Variants in KCNH7 observed in about 807,000 individuals in gnomAD.
KCNH7 encodes potassium voltage-gated channel subfamily H member 7, also known as voltage-gated inwardly rectifying potassium channel KCNH7.
Under a neutral mutation model 120.8 loss-of-function variants are expected in KCNH7, and 49 were observed. The ratio of observed to expected loss-of-function variants is 0.41; its 90% confidence interval spans 0.32 to 0.51. The LOEUF (loss-of-function observed/expected upper bound fraction) is 0.51, where lower values mean the gene tolerates loss of function less well. Ranked by LOEUF, KCNH7 falls within the 20% of genes least tolerant of loss-of-function variation. The pLI is 0.38. For synonymous variants in KCNH7, 547 were observed against 516.1 expected (o/e 1.06, Z -0.81); for missense variants, 1,097 against 1,446.6 (o/e 0.76, Z 3.92).
At chr2:162,566,671 G>T (rs1693267717) in intron 2 of KCNH7, among the ~76,000 whole-genome samples, 1 of 152,026 alleles carries the variant, frequency 6.6e-6, no homozygotes, top group Non-Finnish European at 1.5e-5. Context: ...GGTAGTTTTT[G>T]CTTGAAGCTA....
At chr2:162,574,018 C>G (rs1449468720) in intron 2 of KCNH7, among the ~76,000 whole-genome samples, 2 of 151,906 alleles carry the variant, frequency 1.3e-5, no homozygotes, top group Non-Finnish European at 2.9e-5. Context: ...AAATTATCAT[C>G]AAATCTTTTA....
chr2:162,386,462 G>T (rs1402464092), intron 12 of KCNH7, among the ~76,000 whole-genome samples: 2 of 151,692 alleles, frequency 1.3e-5, no homozygotes, highest in African/African-American at 4.8e-5. Flanking sequence ...TGAAAAAAAC[G>T]AAAGTTTCAT....
intron 2 of KCNH7, among the ~76,000 whole-genome samples, chr2:162,831,750 A>G (rs1391770648): frequency 1.3e-5 from 2 of 152,224 alleles, no homozygotes; most frequent in Non-Finnish European, 2.9e-5. Flanking sequence ...TATCCTGTTC[A>G]TTCAGTCCTA....
rs1169357546 is a variant in KCNH7, at chr2:162,605,963, C to T, written c.308-68883G>A. On this transcript the variant is annotated intron_variant, in intron 2 of 15. Coordinates refer to ENST00000332142, the MANE Select transcript of KCNH7 (RefSeq NM_033272.4). ...TCAGAATAATTATTTAATATTTACT[C>T]CAATATGCCAAGACTTTTTGTATTT... Among the ~76,000 whole-genome samples the T allele has an allele frequency of 2.6e-5, 4 of 152,012 alleles. No homozygotes were observed. The South Asian group carries it at 8.3e-4, about 31-fold the overall frequency.
At chr2:162,712,954 T>G (rs759753727) in intron 2 of KCNH7, among the ~76,000 whole-genome samples, 6 of 152,140 alleles carry the variant, frequency 3.9e-5, no homozygotes, top group Non-Finnish European at 7.4e-5. Flanking sequence ...ATCACTCTCG[T>G]TTTTAGTCAT....
chr2:162,476,638 T>C (rs1461163910), intron 6 of KCNH7, among the ~76,000 whole-genome samples: 2 of 152,228 alleles, frequency 1.3e-5, no homozygotes, highest in East Asian at 3.8e-4. Context: ...CTTTACTAAA[T>C]ATATTTTAAA....
At chr2:162,830,559 G>C (rs946625833) in intron 2 of KCNH7, among the ~76,000 whole-genome samples, 1 of 152,104 alleles carries the variant, frequency 6.6e-6, no homozygotes, top group Non-Finnish European at 1.5e-5. Flanking sequence ...TGTTATCAGA[G>C]CTGGGAATCC....
At chr2:162,520,417 C>T (rs1160314903) in intron 3 of KCNH7, among the ~76,000 whole-genome samples, 1 of 151,686 alleles carries the variant, frequency 6.6e-6, no homozygotes, top group Non-Finnish European at 1.5e-5. Context: ...TCACTCTTCA[C>T]ATTTGTACCA....
chr2:162,706,690 G>A lies in KCNH7; in HGVS notation c.307+129847C>T, dbSNP rs567710735. Among the ~76,000 whole-genome samples the A allele has an allele frequency of 2.0e-5, 3 of 152,126 alleles. No homozygotes were observed. In the East Asian group the frequency reaches 5.8e-4, roughly 29 times the overall value. ...AAGCTTACAGAGCTCTTGATAAATT[G>A]TTTGCCTCTAATTGCCTTCACCCAC... On this transcript the variant is annotated intron_variant, in intron 2 of 15. Transcript: ENST00000332142.
chr2:162,416,560 G>A (rs1171382737), intron 9 of KCNH7, among the ~76,000 whole-genome samples: 1 of 152,060 alleles, frequency 6.6e-6, no homozygotes, highest in African/African-American at 2.4e-5. Context: ...TCGCCTTTGT[G>A]GAGAGTGAGT....
intron 2 of KCNH7, among the ~76,000 whole-genome samples, chr2:162,617,003 G>A (rs1384313843): frequency 6.6e-6 from 1 of 150,544 alleles, no homozygotes; most frequent in Non-Finnish European, 1.5e-5. Context: ...AGTGTAGATG[G>A]CTCAGAGTCT....
chr2:162,506,231 A>T (rs1361870277), intron 5 of KCNH7, among the ~76,000 whole-genome samples: 1 of 151,798 alleles, frequency 6.6e-6, no homozygotes, highest in Non-Finnish European at 1.5e-5. Context: ...CTATTTATAC[A>T]AAGATAGAAA....
chr2:162,657,312 C>T (rs1292033206), intron 2 of KCNH7, among the ~76,000 whole-genome samples: 1 of 152,174 alleles, frequency 6.6e-6, no homozygotes, highest in Non-Finnish European at 1.5e-5. Context: ...CCACTCTATT[C>T]ATCTTCCCCC....
chr2:162,764,075 G>A (rs2105457020), intron 2 of KCNH7, among the ~76,000 whole-genome samples: 1 of 151,872 alleles, frequency 6.6e-6, no homozygotes, highest in East Asian at 1.9e-4. Flanking sequence ...CCAAATATTT[G>A]GCTTTTCTCT....
At chr2:162,402,698 A>G (rs1687099717) in intron 9 of KCNH7, among the ~76,000 whole-genome samples, 1 of 151,902 alleles carries the variant, frequency 6.6e-6, no homozygotes, top group Non-Finnish European at 1.5e-5. Context: ...AGTAGTTAGC[A>G]TAAGAATACT....
chr2:162,634,360 T>C (rs1683878533), intron 2 of KCNH7, among the ~76,000 whole-genome samples: 1 of 152,020 alleles, frequency 6.6e-6, no homozygotes, highest in Admixed American at 6.6e-5. Flanking sequence ...ATGCCGTCTT[T>C]ATATCAGCAG....
chr2:162,658,131 G>A (rs182453964), intron 2 of KCNH7, among the ~76,000 whole-genome samples: 2 of 151,688 alleles, frequency 1.3e-5, no homozygotes, highest in African/African-American at 2.4e-5. Flanking sequence ...AAACCAGGAA[G>A]GGGGTGCTTA....
Position 162,540,080 on chromosome 2 carries a change from C to T in KCNH7, c.308-3000G>A, listed in dbSNP as rs558227895. On this transcript the variant is annotated intron_variant, in intron 2 of 15. Coordinates refer to ENST00000332142, the MANE Select transcript of KCNH7 (RefSeq NM_033272.4). Reference sequence around the variant, plus strand: ...GGAAACCTAACCCAGCAAACACTAACCAAGCAATGAAGAAAAAAAAATAGA... The same window carrying T: ...GGAAACCTAACCCAGCAAACACTAATCAAGCAATGAAGAAAAAAAAATAGA... 4.0e-5 allele frequency among the ~76,000 whole-genome samples: 6 copies of T among 151,518 alleles called. No homozygotes were observed. In the South Asian group the frequency reaches 8.3e-4, roughly 21 times the overall value.
intron 6 of KCNH7, among the ~76,000 whole-genome samples, chr2:162,462,239 TG>T (rs1370756034): frequency 1.3e-5 from 2 of 152,046 alleles, no homozygotes; most frequent in African/African-American, 4.8e-5. Context: ...GAAAAATAAA[TG>T]TGTGTGTATG....
Sources: allele counts gnomAD v4.1 joint callset (sites outside exome capture counted in the v4.1 genomes callset), GRCh38; gene constraint gnomAD v4.1.1; transcripts MANE v1.5; gene names NCBI Gene and HGNC (gene_info 2026-07-23, HGNC 2026-07-21).